Variants in RNFT2 observed in about 807,000 individuals in gnomAD.
The protein encoded by RNFT2 is E3 ubiquitin-protein ligase RNFT2.
In RNFT2, 36 loss-of-function variants were observed where a neutral mutation model predicts 53.0. The observed-to-expected ratio is 0.68, with a 90% CI of 0.52 to 0.90. The LOEUF (loss-of-function observed/expected upper bound fraction) is 0.90. Among genes scored for constraint, RNFT2 ranks in the 40% least tolerant of loss-of-function variants. The probability of loss-of-function intolerance (pLI) is 0.00; values close to 1 mark genes in which losing one functional copy is unlikely to be tolerated. For missense variants in RNFT2, 514 were observed against 585.6 expected (o/e 0.88, Z 1.26); for synonymous variants, 260 against 253.2 (o/e 1.03, Z -0.26).
At chr12:116,836,345 A>G (rs1042099019) in intron 10 of RNFT2, 63 bp downstream of exon 10, 108 of 1,369,992 alleles carry the variant, frequency 7.9e-5, no homozygotes, top group South Asian at 2.6e-4. Context: ...ACCCTTCCCC[A>G]TGGGCAGTCC....
chr12:116,841,804 TAAATATATATATAA>T (rs1168291837), intron 10 of RNFT2, among the ~76,000 whole-genome samples: 14,985 of 39,858 alleles, frequency 0.38, 4,347 homozygotes, highest in Non-Finnish European at 0.56. Flanking sequence ...AATATATATA[TAAATATATATATAA>T]AAATATATAT....
intron 3 of RNFT2, chr12:116,748,561 C>A: frequency 3.4e-6 from 1 of 294,090 alleles, no homozygotes; most frequent in Non-Finnish European, 7.0e-6. Context: ...AAGCTGAGTG[C>A]AGAGGTATAA....
chr12:116,754,695 T>G (rs1872416901), intron 5 of RNFT2, among the ~76,000 whole-genome samples: 1 of 152,142 alleles, frequency 6.6e-6, no homozygotes, highest in Admixed American at 6.5e-5. Context: ...AGGAGTGAGG[T>G]GGTATCACAT....
rs372339023 is a variant in RNFT2 at position 116,740,553 on chromosome 12, A to G, written c.24+32A>G. The G allele has an allele frequency of 3.9e-6, 6 of 1,553,128 alleles. No individual in the cohort carries two copies. The African/African-American group carries it at 8.2e-5, about 21-fold the overall frequency. ...CGTCTCCAAGAGAATTTGCATCTTT[A>G]TTACTACTTGATTAAATGTGAGAGC... On this transcript the variant is annotated intron_variant, in intron 2 of 10. Coordinates refer to ENST00000257575, the MANE Select transcript of RNFT2 (RefSeq NM_001382266.1).
intron 7 of RNFT2, among the ~76,000 whole-genome samples, chr12:116,789,960 G>A (rs12371852): frequency 2.7e-4 from 39 of 146,266 alleles, no homozygotes; most frequent in African/African-American, 9.1e-4. Context: ...GGATGGGTGG[G>A]TGGATGGATG....
intron 6 of RNFT2, among the ~76,000 whole-genome samples, chr12:116,775,712 A>T (rs896665889): frequency 6.6e-6 from 1 of 152,182 alleles, no homozygotes; most frequent in African/African-American, 2.4e-5. Flanking sequence ...AAAACATTGG[A>T]CATATATCAC....
intron 4 of RNFT2, among the ~76,000 whole-genome samples, chr12:116,751,822 G>A (rs1192834859): frequency 2.0e-5 from 3 of 151,764 alleles, no homozygotes; most frequent in African/African-American, 4.8e-5. Context: ...GCAGTGGCAC[G>A]ATCTCAGCTC....
In RNFT2 at chr12:116,792,842, G is replaced by A. The variant is rs1176695852; in HGVS notation, c.882+13494G>A. ...CACAGATGCTCTTTGCTGGGCCTCC[G>A]CACCATCCACTGAGAAGGTGGGTTG... On this transcript the variant is annotated intron_variant, in intron 7 of 10. Transcript: ENST00000257575. Among the ~76,000 whole-genome samples, 3 of 152,182 alleles carry A rather than the reference G, an allele frequency of 2.0e-5. No individual in the cohort carries two copies. In the South Asian group the frequency reaches 6.2e-4, roughly 32 times the overall value.
At chr12:116,833,002 C>T (rs77987860) in intron 7 of RNFT2, among the ~76,000 whole-genome samples, 5,870 of 150,508 alleles carry the variant, frequency 0.039, 251 homozygotes, top group East Asian at 0.14. Context: ...GCAACTCTGC[C>T]TCCCAAGTTC....
intron 6 of RNFT2, among the ~76,000 whole-genome samples, chr12:116,778,164 C>T (rs937362407): frequency 1.3e-5 from 2 of 152,034 alleles, no homozygotes; most frequent in Non-Finnish European, 2.9e-5. Context: ...TGCCTCCTCT[C>T]GTAAAGCCTG....
Position 116,850,148 on chromosome 12 carries a change from CTTTTT to C in RNFT2, c.*720_*724del, listed in dbSNP as rs71099006. ...GCATGAGCCACCGTGCCCAGGCTCA[CTTTTT>C]TTTTTTTTTTTTTTTTTTTGAGACA... On this transcript the variant is annotated 3_prime_UTR_variant, in exon 11 of 11. Coordinates refer to ENST00000257575, the MANE Select transcript of RNFT2 (RefSeq NM_001382266.1). 191 of 73,224 alleles carry C rather than the reference CTTTTT, an allele frequency of 2.6e-3. 1 individual carries two copies. The highest frequency in any genetic ancestry group is 0.012 in the East Asian group (32 of 2,672). 4.5% of individuals were successfully genotyped at this position (73,224 alleles called of 1,614,324 possible).
At chr12:116,809,578 A>G (rs1001229221) in intron 7 of RNFT2, among the ~76,000 whole-genome samples, 2 of 152,200 alleles carry the variant, frequency 1.3e-5, no homozygotes, top group Non-Finnish European at 2.9e-5. Flanking sequence ...CAAGATGGTC[A>G]GTTCCCGATT....
At chr12:116,846,808 A>G (rs1877641218) in intron 10 of RNFT2, among the ~76,000 whole-genome samples, 1 of 151,690 alleles carries the variant, frequency 6.6e-6, no homozygotes, top group Non-Finnish European at 1.5e-5. Flanking sequence ...AGTGGTAGAC[A>G]TTTAGATTCT....
At chr12:116,846,121 G>A (rs1444555018) in intron 10 of RNFT2, among the ~76,000 whole-genome samples, 1 of 152,164 alleles carries the variant, frequency 6.6e-6, no homozygotes, top group Non-Finnish European at 1.5e-5. Flanking sequence ...TGCTAGGAAT[G>A]AAGGGGTTTA....
rs568302024 is a variant in RNFT2, at chr12:116,827,793, GT to G, written c.883-5996del. Among the ~76,000 whole-genome samples, 378 of 152,342 alleles carry G rather than the reference GT, an allele frequency of 2.5e-3. 3 individuals are homozygous for G. The highest frequency in any genetic ancestry group is 8.5e-3 in the African/African-American group (354 of 41,582). ...AGAGCTGCCCAATAGCAAGTGGGAA[GT>G]TTGGGATTTGGCCCAGAAACCAGCC... On this transcript the variant is annotated intron_variant, in intron 7 of 10. Transcript: ENST00000257575.
In RNFT2 at chr12:116,851,733, A is replaced by G; in HGVS notation, c.*2285A>G. 1.4e-6 allele frequency: 1 copy of G among 711,294 alleles called. No homozygotes were observed. The allele number at this position is 711,294 out of a possible 1,614,324, so 44.1% of individuals were successfully genotyped here. On this transcript the variant is annotated 3_prime_UTR_variant, in exon 11 of 11. Transcript: ENST00000257575. Reference sequence around the variant, plus strand: ...TCCAACCTGGGTGACAGAGTGAGTGAGACTCTGTCTAAAAAAAAAAAGAAA... The same window carrying G: ...TCCAACCTGGGTGACAGAGTGAGTGGGACTCTGTCTAAAAAAAAAAAGAAA...
intron 5 of RNFT2, among the ~76,000 whole-genome samples, chr12:116,761,908 A>G (rs546537183): frequency 1.0e-3 from 154 of 152,246 alleles, no homozygotes; most frequent in Non-Finnish European, 1.7e-3. Flanking sequence ...ATTGAATGAA[A>G]TAGTGCATCC....
At chr12:116,836,046 C>G in intron 9 of RNFT2, 21 bp downstream of exon 9, 1 of 1,613,550 alleles carries the variant, frequency 6.2e-7, no homozygotes, top group East Asian at 2.2e-5. Context: ...TTCAGGTGGT[C>G]CCCACCAGGG....
rs1004845179 is a variant in RNFT2, at chr12:116,740,722, G to T, written c.24+201G>T. On this transcript the variant is annotated intron_variant, in intron 2 of 10. Transcript: ENST00000257575. ...CAGAATCCATGTCTCCTGCCAGTCCGCTGCCCACTTCACTTCATCCAGCAC... is the reference window on the plus strand; with the variant it reads ...CAGAATCCATGTCTCCTGCCAGTCCTCTGCCCACTTCACTTCATCCAGCAC... 1.6e-5 allele frequency: 10 copies of T among 643,234 alleles called. No homozygotes were observed. The Admixed American group carries it at 2.3e-4, about 15-fold the overall frequency. The allele number at this position is 643,234 out of a possible 1,614,324, so 39.8% of individuals were successfully genotyped here.
Sources: gnomAD v4.1 joint callset for allele counts (sites outside exome capture counted in the v4.1 genomes callset) on GRCh38, gnomAD v4.1.1 for gene constraint, MANE v1.5 for transcripts, NCBI Gene and HGNC (gene_info 2026-07-23, HGNC 2026-07-21) for gene names.